The following EVI5 variants were observed in gnomAD, a reference collection of about 807,000 sequenced individuals.
EVI5 encodes ecotropic viral integration site 5 protein homolog.
In EVI5, 73 loss-of-function variants were observed where a neutral mutation model predicts 112.0. The ratio of observed to expected loss-of-function variants is 0.65; its 90% CI spans 0.54 to 0.79. The LOEUF (loss-of-function observed/expected upper bound fraction) is 0.79, where lower values mean the gene tolerates loss of function less well. EVI5 is among the 30% of genes least tolerant of loss of function. The pLI, the probability that EVI5 is intolerant of heterozygous loss-of-function variation, is 0.00. For synonymous variants in EVI5, 305 were observed against 319.9 expected (o/e 0.95, Z 0.50); for missense variants, 900 against 968.8 (o/e 0.93, Z 0.94).
chr1:92,631,209 C>A (rs1053609610), intron 14 of EVI5, among the ~76,000 whole-genome samples: 1 of 152,036 alleles, frequency 6.6e-6, no homozygotes, highest in African/African-American at 2.4e-5. Flanking sequence ...TTTTCCAATT[C>A]TGTGAAGAAA....
At chr1:92,661,257 G>A (rs1663956591) in intron 13 of EVI5, among the ~76,000 whole-genome samples, 1 of 151,994 alleles carries the variant, frequency 6.6e-6, no homozygotes, top group African/African-American at 2.4e-5. Context: ...AGTTATATTG[G>A]AAGGCTATAA....
chr1:92,631,490 T>C (rs1557945034), intron 14 of EVI5, among the ~76,000 whole-genome samples: 1 of 152,170 alleles, frequency 6.6e-6, no homozygotes, highest in Non-Finnish European at 1.5e-5. Context: ...TTGTCTGTTA[T>C]TGGTGTATAA....
chr1:92,688,342 G>A (rs559453875), intron 9 of EVI5, among the ~76,000 whole-genome samples: 55 of 151,902 alleles, frequency 3.6e-4, no homozygotes, highest in East Asian at 1.2e-3. Context: ...AAACCTGTAC[G>A]TTGTGCACAT....
intron 1 of EVI5, among the ~76,000 whole-genome samples, chr1:92,767,728 C>A (rs1048372060): frequency 2.6e-5 from 4 of 152,176 alleles, no homozygotes; most frequent in African/African-American, 9.7e-5. Flanking sequence ...TTGAATTAAG[C>A]AATAATTCTA....
Position 92,784,909 on chromosome 1 carries a change from A to T in EVI5, c.-155T>A, listed in dbSNP as rs1685420516. The T allele has an allele frequency of 1.0e-6, 1 of 985,852 alleles. No individual in the cohort carries two copies. The highest frequency in any genetic ancestry group is 6.2e-5 in the Admixed American group (1 of 16,252). 61.1% of individuals were successfully genotyped at this position (985,852 alleles called of 1,614,324 possible). A position where few individuals can be genotyped will look rare whatever the true frequency, so the allele number is the denominator to read the frequency against. ...GCCGGCAGCCGCGCCGCCGCGTCTC[A>T]GCGCCTCGGCCCCGCTCCTGGCTCC... is the stretch of plus-strand genomic sequence containing the variant. On this transcript the variant is annotated 5_prime_UTR_variant, in exon 1 of 20. Transcript: ENST00000684568.
chr1:92,641,492 T>C (rs1572063635), intron 13 of EVI5, among the ~76,000 whole-genome samples: 1 of 152,214 alleles, frequency 6.6e-6, no homozygotes, highest in Non-Finnish European at 1.5e-5. Context: ...CTATTTTTAA[T>C]TGAAATGCCT....
At chr1:92,619,702 C>T (rs1654083830) in intron 16 of EVI5, among the ~76,000 whole-genome samples, 1 of 151,394 alleles carries the variant, frequency 6.6e-6, no homozygotes, top group South Asian at 2.1e-4. Context: ...GGGAGGATCA[C>T]TTGGGCTCAG....
chr1:92,594,096 C>A (rs1674496711), intron 18 of EVI5, among the ~76,000 whole-genome samples: 1 of 152,182 alleles, frequency 6.6e-6, no homozygotes, highest in Admixed American at 6.5e-5. Flanking sequence ...AAAAAAGAGC[C>A]TGCATTGCCA....
At chr1:92,589,652 G>A (rs1273427483) in intron 18 of EVI5, among the ~76,000 whole-genome samples, 1 of 152,204 alleles carries the variant, frequency 6.6e-6, no homozygotes, top group Non-Finnish European at 1.5e-5. Context: ...TGCAGCTCAA[G>A]GAGGCCTGCC....
chr1:92,692,800 T>G (rs891265431), intron 9 of EVI5, among the ~76,000 whole-genome samples: 1 of 152,216 alleles, frequency 6.6e-6, no homozygotes, highest in Non-Finnish European at 1.5e-5. Context: ...AATTTCATAT[T>G]GCAGCAGAAA....
chr1:92,686,331 T>C lies in EVI5; in HGVS notation c.1097+7471A>G, dbSNP rs1279736263. 3.9e-5 allele frequency among the ~76,000 whole-genome samples: 6 copies of C among 152,306 alleles called. No homozygotes were observed. The East Asian group carries it at 7.7e-4, about 20-fold the overall frequency. ...ATCTCAATAGATGCAGAAAAGGCCT[T>C]TGACAAAAGTCAACAGCCTTCATGC... On this transcript the variant is annotated intron_variant, in intron 9 of 19. Transcript: ENST00000684568.
intron 9 of EVI5, among the ~76,000 whole-genome samples, chr1:92,689,785 T>C (rs1669178664): frequency 6.6e-6 from 1 of 152,270 alleles, no homozygotes; most frequent in Non-Finnish European, 1.5e-5. Flanking sequence ...ATATAGGCTG[T>C]AATTCGTTAA....
intron 19 of EVI5, among the ~76,000 whole-genome samples, chr1:92,558,053 A>G (rs1018021199): frequency 4.6e-5 from 7 of 152,164 alleles, no homozygotes; most frequent in African/African-American, 1.7e-4. Context: ...ATCTGTCTTA[A>G]TAAGTTTATT....
At chr1:92,762,389 T>C (rs147059034) in intron 1 of EVI5, among the ~76,000 whole-genome samples, 2 of 152,318 alleles carry the variant, frequency 1.3e-5, no homozygotes, top group African/African-American at 4.8e-5. Context: ...TATTTAATCT[T>C]CACCATAACC....
intron 19 of EVI5, among the ~76,000 whole-genome samples, chr1:92,527,004 C>G (rs1043220643): frequency 8.5e-5 from 13 of 152,206 alleles, no homozygotes; most frequent in Admixed American, 8.5e-4. Flanking sequence ...TTCTGTAACT[C>G]TGACTGTCCC....
chr1:92,766,938 T>C (rs183556193), intron 1 of EVI5, among the ~76,000 whole-genome samples: 3 of 151,984 alleles, frequency 2.0e-5, no homozygotes, highest in South Asian at 4.2e-4. Context: ...AAAAATTAGC[T>C]GGGCGTGGTG....
chr1:92,714,821 C>T (rs1380876175), intron 2 of EVI5, among the ~76,000 whole-genome samples: 4 of 152,038 alleles, frequency 2.6e-5, no homozygotes, highest in Non-Finnish European at 5.9e-5. Context: ...GAACTCTTGG[C>T]CTCATGCAAT....
intron 16 of EVI5, among the ~76,000 whole-genome samples, chr1:92,615,118 G>A (rs925588188): frequency 6.6e-6 from 1 of 152,032 alleles, no homozygotes; most frequent in Non-Finnish European, 1.5e-5. Context: ...TGAACTGTTT[G>A]TAGAGAGTTA....
At position 92,612,582 on chromosome 1, in the gene EVI5, C is replaced by T. The variant is rs186699750; in HGVS notation, c.1828-4855G>A. Among the ~76,000 whole-genome samples, 105 of 151,900 alleles carry T rather than the reference C, an allele frequency of 6.9e-4. 2 individuals are homozygous for T. The East Asian group carries it at 0.018, about 26-fold the overall frequency. Reference sequence around the variant, plus strand: ...AATATTAGCCAGATGTGGTAGCATGCGCCTGTAGTCCCAGCTACTCAGGAG... The same window carrying T: ...AATATTAGCCAGATGTGGTAGCATGTGCCTGTAGTCCCAGCTACTCAGGAG... On this transcript the variant is annotated intron_variant, in intron 16 of 19. Coordinates refer to ENST00000684568, the MANE Select transcript of EVI5 (RefSeq NM_001350197.2).
Sources: gnomAD v4.1 joint callset for allele counts (sites outside exome capture counted in the v4.1 genomes callset) on GRCh38, gnomAD v4.1.1 for gene constraint, MANE v1.5 for transcripts, NCBI Gene and HGNC (gene_info 2026-07-23, HGNC 2026-07-21) for gene names.